Variants in TSBP1 observed in about 807,000 individuals in gnomAD.
The protein encoded by TSBP1 is testis expressed basic protein 1.
A neutral mutation model predicts 68.8 loss-of-function variants in TSBP1; 56 were observed. The ratio of observed to expected loss-of-function variants is 0.81; its 90% confidence interval spans 0.66 to 1.02. The LOEUF is 1.02. Ranked by LOEUF, TSBP1 falls within the 50% of genes least tolerant of loss-of-function variation. The probability of loss-of-function intolerance (pLI) is 0.00; values close to 1 mark genes in which losing one functional copy is unlikely to be tolerated. For synonymous variants in TSBP1, 171 were observed against 208.7 expected, an observed-to-expected ratio of 0.82 and a Z score of 1.56; for missense variants, 502 against 641.2, an observed-to-expected ratio of 0.78 and a Z score of 2.34.
Position 32,314,304 on chromosome 6 carries a change from A to G in TSBP1, c.580+1468T>C, listed in dbSNP as rs9268213. Among the ~76,000 whole-genome samples the G allele has an allele frequency of 0.21, 31,983 of 152,034 alleles. 3,547 individuals carry two copies. The highest frequency in any genetic ancestry group is 0.22 in the East Asian group (1,147 of 5,174). On this transcript the variant is annotated intron_variant, in intron 19 of 22. Transcript: ENST00000612031. This position sits in a 1 kb window ranked among gnomAD's most constrained non-coding sequence, Gnocchi z 4.2. The stretch of plus-strand genomic sequence containing the variant: ...TACCCCTCGGGTGTTGGATTTTTAC[A>G]TTATTTCCCTGCCCATCCTCTTTGA...
Position 32,293,645 on chromosome 6 carries a change from G to C in TSBP1, c.1028C>G (p.Ser343Ter), listed in dbSNP as rs892577560. The stretch of plus-strand genomic sequence containing the variant: ...GGCTTCTTGTCCTTTTGGGACACCT[G>C]ACTCACTCTTCTTTACTTGGGACTC... The change falls in exon 23 of 23, where the codon TCA becomes TGA. Residue 343 changes from serine (S) to a stop codon, truncating the protein, a stop_gained. Transcript: ENST00000612031. LOFTEE classifies it low-confidence loss of function (END_TRUNC). 9 of 1,612,798 alleles carry C rather than the reference G, an allele frequency of 5.6e-6. No homozygotes were observed. The African/African-American group carries it at 1.1e-4, about 19-fold the overall frequency.
chr6:32,310,761 A>T (rs779272473), intron 19 of TSBP1, among the ~76,000 whole-genome samples: 88 of 144,834 alleles, frequency 6.1e-4, no homozygotes, highest in Admixed American at 2.3e-3. Flanking sequence ...ATATATATAT[A>T]TTTTTAATCT....
exon 7 of TSBP1, chr6:32,355,663 G>C: frequency 6.3e-7 from 1 of 1,586,742 alleles, no homozygotes; most frequent in Non-Finnish European, 8.5e-7. Flanking sequence ...ATCTCTTTTG[G>C]ATCTCTCTGA....
At chr6:32,368,888 C>T in intron 2 of TSBP1, 74 bp from the exon 3 acceptor site, 1 of 1,510,908 alleles carries the variant, frequency 6.6e-7, no homozygotes. Context: ...AAACTCTTCT[C>T]ACTCTAAGCT....
At chr6:32,367,957 C>T (rs1445127873) in exon 4 of TSBP1, 2 of 1,609,334 alleles carry the variant, frequency 1.2e-6, no homozygotes, top group East Asian at 4.5e-5. Context: ...AAGTCTAGCA[C>T]CTAGAAAAAA....
Position 32,369,894 on chromosome 6 carries a change from C to G in TSBP1, c.100+3G>C. 6.4e-7 allele frequency: 1 copy of G among 1,573,432 alleles called. No homozygotes were observed. Among genetic ancestry groups the G allele is most frequent in the Non-Finnish European group, 8.7e-7 (1 of 1,144,020 alleles). ...ATCTTCATTTTGACTCATTATTACT[C>G]ACCACTTTGCTTACATCGTGCCCAT... On this transcript the variant is annotated splice_donor_region_variant and intron_variant, in intron 2 of 22. Transcript: ENST00000612031.
At chr6:32,330,872 TG>T (rs1205419291) in intron 15 of TSBP1, among the ~76,000 whole-genome samples, 4 of 149,882 alleles carry the variant, frequency 2.7e-5, no homozygotes, top group African/African-American at 4.9e-5. Context: ...GGTTTCACCA[TG>T]TTGGCCAGGC....
chr6:32,317,057 T>C (rs1274009653), intron 18 of TSBP1, among the ~76,000 whole-genome samples: 1 of 152,166 alleles, frequency 6.6e-6, no homozygotes, highest in Non-Finnish European at 1.5e-5. Context: ...AAAATTATGG[T>C]ATGCTACCAG....
At position 32,369,373 on chromosome 6, in the gene TSBP1, A is replaced by ATTTTTTTTTTTTTTTTTTTTTT. The variant is rs9281761; in HGVS notation, c.100+523_100+524insAAAAAAAAAAAAAAAAAAAAAA. ...CTTATTACTTTTGCTAAACTCTGTG[A>ATTTTTTTTTTTTTTTTTTTTTT]TTTTTTTTTTTTTTTGAGATGGAGT... On this transcript the variant is annotated intron_variant, in intron 2 of 22. Transcript: ENST00000612031. Among the ~76,000 whole-genome samples, 31 of 127,006 alleles carry ATTTTTTTTTTTTTTTTTTTTTT rather than the reference A, an allele frequency of 2.4e-4. 1 individual carries two copies. The highest frequency in any genetic ancestry group is 2.1e-3 in the East Asian group (9 of 4,386). 83.3% of individuals were successfully genotyped at this position (127,006 alleles called of 152,430 possible).
At chr6:32,344,850 GGT>G in intron 9 of TSBP1, among the ~76,000 whole-genome samples, 1 of 148,520 alleles carries the variant, frequency 6.7e-6, no homozygotes, top group Non-Finnish European at 1.5e-5. Flanking sequence ...GAAGACCTTA[GGT>G]TTTTTTTTTG....
In TSBP1 at chr6:32,321,450, C is replaced by T. The variant is rs1359170739; in HGVS notation, c.559+1667G>A. Among the ~76,000 whole-genome samples the T allele has an allele frequency of 6.6e-6, 1 of 152,152 alleles. No homozygotes were observed. The highest frequency in any genetic ancestry group is 1.5e-5 in the Non-Finnish European group (1 of 68,034). ...AATTTCTAGCTGTGAGACCAGTAATCCCTTCTCCTGACCTCAGGTGGGCAT... is the reference window on the plus strand; with the variant it reads ...AATTTCTAGCTGTGAGACCAGTAATTCCTTCTCCTGACCTCAGGTGGGCAT... On this transcript the variant is annotated intron_variant, in intron 18 of 22. Coordinates refer to ENST00000612031, the Ensembl canonical transcript of TSBP1. This position sits in a 1 kb window ranked among gnomAD's most constrained non-coding sequence, Gnocchi z 4.3.
At position 32,323,139 on chromosome 6, in the gene TSBP1, TA is replaced by T; in HGVS notation, c.539-3del. ...TACTTATGGGTGCCATGGGTGGACC[TA>T]AAAACCAAAGTAGATATTGGTGAAG... On this transcript the variant is annotated splice_polypyrimidine_tract_variant and splice_region_variant and intron_variant, in intron 17 of 22. Coordinates refer to ENST00000612031, the Ensembl canonical transcript of TSBP1. 1.3e-6 allele frequency: 2 copies of T among 1,575,576 alleles called. No individual in the cohort carries two copies. Among genetic ancestry groups the T allele is most frequent in the Non-Finnish European group, 1.7e-6 (2 of 1,147,536 alleles).
At chr6:32,369,373 ATT>A (rs9281761) in intron 2 of TSBP1, among the ~76,000 whole-genome samples, 54 of 127,016 alleles carry the variant, frequency 4.3e-4, no homozygotes, top group African/African-American at 1.5e-3. Flanking sequence ...AAACTCTGTG[ATT>A]TTTTTTTTTT....
chr6:32,292,899 G>T lies in TSBP1; in HGVS notation c.*82C>A. The T allele has an allele frequency of 1.2e-6, 1 of 803,968 alleles. No homozygotes were observed. Among genetic ancestry groups the T allele is most frequent in the Non-Finnish European group, 2.0e-6 (1 of 491,754 alleles). 49.8% of individuals were successfully genotyped at this position (803,968 alleles called of 1,614,324 possible). On this transcript the variant is annotated 3_prime_UTR_variant, in exon 23 of 23. Coordinates refer to ENST00000612031, the Ensembl canonical transcript of TSBP1. The surrounding 1 kb of genome is among the most constrained non-coding windows in gnomAD (Gnocchi z 4.1). Reference sequence around the variant, plus strand: ...GATTTTATAATTGTAATCTGTTTAGGCAATGGCTGGGATATGGTTTGTATC... The same window carrying T: ...GATTTTATAATTGTAATCTGTTTAGTCAATGGCTGGGATATGGTTTGTATC...
chr6:32,323,547 C>A, intron 17 of TSBP1, 44 bp downstream of exon 18: 2 of 1,593,900 alleles, frequency 1.3e-6, no homozygotes, highest in Non-Finnish European at 1.7e-6. Flanking sequence ...CAGGGAACAA[C>A]AAGAACAACA....
chr6:32,335,958 A>G lies in TSBP1; in HGVS notation c.431-26T>C, dbSNP rs769147160. 1.3e-6 allele frequency: 2 copies of G among 1,599,724 alleles called. No individual in the cohort carries two copies. Among genetic ancestry groups the G allele is most frequent in the Admixed American group, 3.3e-5 (2 of 60,016 alleles). ...CTGTGAGAGAGAAAGAGGGAGAAAG[A>G]AAAAGATATCAGTATGCTTCACCAC... On this transcript the variant is annotated intron_variant, in intron 12 of 22. Coordinates refer to ENST00000612031, the Ensembl canonical transcript of TSBP1. The surrounding 1 kb of genome is among the most constrained non-coding windows in gnomAD (Gnocchi z 5.5).
intron 8 of TSBP1, among the ~76,000 whole-genome samples, chr6:32,351,726 C>T (rs1427217450): frequency 6.6e-6 from 1 of 152,000 alleles, no homozygotes; most frequent in Non-Finnish European, 1.5e-5. Flanking sequence ...TTCATTTATC[C>T]TGCTCAGAGT....
chr6:32,370,861 G>GAGAGAA (rs1774339591), intron 1 of TSBP1, among the ~76,000 whole-genome samples: 2 of 151,014 alleles, frequency 1.3e-5, no homozygotes, highest in Admixed American at 6.6e-5. Flanking sequence ...AGAAAAGAGA[G>GAGAGAA]AGAGAGAGAA....
At position 32,338,853 on chromosome 6, in the gene TSBP1, A is replaced by G. The variant is rs984886177; in HGVS notation, c.409+126T>C. The G allele has an allele frequency of 2.5e-6, 2 of 809,714 alleles. No individual in the cohort carries two copies. The highest frequency in any genetic ancestry group is 4.3e-6 in the Non-Finnish European group (2 of 466,004). 50.2% of individuals were successfully genotyped at this position (809,714 alleles called of 1,614,324 possible). On this transcript the variant is annotated intron_variant, in intron 11 of 22. Transcript: ENST00000612031. This position sits in a 1 kb window ranked among gnomAD's most constrained non-coding sequence, Gnocchi z 5.5. ...TTATTAAGATAAGAATAGGGAATAA[A>G]CAAGGGGAAAGGAATGGACAATTTG...
Sources: allele counts gnomAD v4.1 joint callset (sites outside exome capture counted in the v4.1 genomes callset), GRCh38; gene constraint gnomAD v4.1.1; non-coding constraint Gnocchi (gnomAD v3.1); transcripts MANE v1.5; gene names NCBI Gene and HGNC (gene_info 2026-07-23, HGNC 2026-07-21).